The following NUP35 variants were observed in gnomAD, a reference collection of about 807,000 sequenced individuals.
NUP35 encodes the protein nucleoporin 35, also known as nucleoporin NUP35.
In NUP35, 25 loss-of-function variants were observed where a neutral mutation model predicts 41.5. The observed-to-expected ratio is 0.60, with a 90% CI of 0.44 to 0.84. The LOEUF is 0.84. Ranked by LOEUF, NUP35 falls within the 40% of genes least tolerant of loss-of-function variation. NUP35 has a pLI of 0.00. For synonymous variants in NUP35, 149 were observed against 130.7 expected (o/e 1.14, Z -0.96); for missense variants, 396 against 396.6 (o/e 1.00, Z 0.01).
rs1474527839 is a variant in NUP35, at chr2:183,127,458, T to TA, written c.41-828dup. 7.4e-4 allele frequency among the ~76,000 whole-genome samples: 112 copies of TA among 152,150 alleles called. 3 individuals carry two copies. The highest frequency in any genetic ancestry group is 4.4e-5 in the Non-Finnish European group (3 of 68,012). ...TTAAACTAATGATTAAGAAAAAAGATACAAAAATAAGTTTTCGACTCTTTT... is the reference window on the plus strand; with the variant it reads ...TTAAACTAATGATTAAGAAAAAAGATAACAAAAATAAGTTTTCGACTCTTTT... On this transcript the variant is annotated intron_variant, in intron 1 of 8. Coordinates refer to ENST00000295119, the MANE Select transcript of NUP35 (RefSeq NM_138285.5).
In NUP35 at chr2:183,149,581, G is replaced by A. The variant is rs543314362; in HGVS notation, c.398-1927G>A. Among the ~76,000 whole-genome samples, 8 of 152,284 alleles carry A rather than the reference G, an allele frequency of 5.3e-5. No homozygotes were observed. The East Asian group carries it at 1.4e-3, about 26-fold the overall frequency. ...TACACTAATAAGAGACTGAGAAAAA[G>A]GCAAATGAAACTTCATGTTTTTGTG... On this transcript the variant is annotated intron_variant, in intron 4 of 8. Transcript: ENST00000295119.
chr2:183,124,343 G>A (rs912758721), upstream of NUP35: 19 of 1,591,006 alleles, frequency 1.2e-5, no homozygotes, highest in Admixed American at 3.2e-4. Context: ...GCATAGCGCA[G>A]GTCCGGAAGT....
chr2:183,137,639 A>G (rs1684922795), intron 4 of NUP35, among the ~76,000 whole-genome samples: 1 of 151,840 alleles, frequency 6.6e-6, no homozygotes, highest in Non-Finnish European at 1.5e-5. Flanking sequence ...ATCCAAAAAC[A>G]GGGCTGAGTG....
At chr2:183,134,899 A>T (rs899030824) in intron 4 of NUP35, among the ~76,000 whole-genome samples, 2 of 151,738 alleles carry the variant, frequency 1.3e-5, no homozygotes, top group Non-Finnish European at 2.9e-5. Context: ...GCTGGGATTA[A>T]AGGCTTGAGC....
intron 1 of NUP35, 99 bp downstream of exon 1, chr2:183,124,596 G>A: frequency 6.7e-7 from 1 of 1,490,184 alleles, no homozygotes; most frequent in South Asian, 1.1e-5. Flanking sequence ...CTCGTCTGCT[G>A]GTTTCAGTCG....
At chr2:183,157,661 G>A (rs1296140909) in intron 6 of NUP35, 148 bp downstream of exon 6, 4 of 600,394 alleles carry the variant, frequency 6.7e-6, no homozygotes, top group East Asian at 2.8e-5. Context: ...AAGTCTGGAA[G>A]GCTGGAAGTT....
intron 2 of NUP35, among the ~76,000 whole-genome samples, chr2:183,129,908 T>G (rs1684638333): frequency 6.6e-6 from 1 of 151,486 alleles, no homozygotes; most frequent in South Asian, 2.1e-4. Flanking sequence ...ACTACATCTT[T>G]ATTATGTACT....
At chr2:183,159,416 C>A (rs747833494) in intron 7 of NUP35, 72 bp from the exon 8 acceptor site, 18 of 1,101,044 alleles carry the variant, frequency 1.6e-5, no homozygotes, top group East Asian at 2.7e-5. Context: ...ATTAAATTTT[C>A]TAAGTAGGAT....
In NUP35 at chr2:183,124,446, G is replaced by C. The variant is rs760295368; in HGVS notation, c.-12G>C. 6.2e-7 allele frequency: 1 copy of C among 1,614,198 alleles called. No individual in the cohort carries two copies. The highest frequency in any genetic ancestry group is 2.2e-5 in the East Asian group (1 of 44,888). On this transcript the variant is annotated 5_prime_UTR_variant, in exon 1 of 9. Coordinates refer to ENST00000295119, the MANE Select transcript of NUP35 (RefSeq NM_138285.5). ...TGGGAAGGTACTGGTTTTAAGTGTA[G>C]TTGCCGACGCAATGGCAGCCTTTGC...
intron 4 of NUP35, among the ~76,000 whole-genome samples, 186 bp downstream of exon 4, chr2:183,133,809 A>C (rs866148596): frequency 1.3e-3 from 193 of 152,284 alleles, no homozygotes; most frequent in African/African-American, 4.4e-3. Context: ...TTATATTTCA[A>C]ACTTGGAGAT....
At chr2:183,138,269 A>ATATATATATATTTTTTTTTTTTT in intron 4 of NUP35, among the ~76,000 whole-genome samples, 1 of 80,690 alleles carries the variant, frequency 1.2e-5, no homozygotes, top group African/African-American at 6.2e-5. Flanking sequence ...ATATATATAT[A>ATATATATATATTTTTTTTTTTTT]TTTTTTTTTT....
chr2:183,130,886 T>C, intron 3 of NUP35: 1 of 894,116 alleles, frequency 1.1e-6, no homozygotes. Flanking sequence ...TATTTAATAT[T>C]TAAAAATTAT....
chr2:183,153,212 G>C (rs1685530416), intron 5 of NUP35, among the ~76,000 whole-genome samples: 1 of 152,196 alleles, frequency 6.6e-6, no homozygotes, highest in African/African-American at 2.4e-5. Flanking sequence ...AATTTGAGTT[G>C]AGATGTGGGT....
At chr2:183,123,352 C>T (rs1171107750), upstream of NUP35, among the ~76,000 whole-genome samples, 3 of 152,092 alleles carry the variant, frequency 2.0e-5, no homozygotes, top group East Asian at 5.8e-4. Flanking sequence ...AGGTCATATT[C>T]ATAAGTATGA....
In NUP35 at chr2:183,158,337, C is replaced by T; in HGVS notation, c.664C>T (p.Arg222Trp). 4 of 1,608,442 alleles carry T rather than the reference C, an allele frequency of 2.5e-6. No individual in the cohort carries two copies. The highest frequency in any genetic ancestry group is 1.3e-5 in the African/African-American group (1 of 74,918). The change falls in exon 7 of 9, where the codon CGG becomes TGG. Residue 222 changes from arginine (R) to tryptophan (W), a missense_variant. Coordinates refer to ENST00000295119, the MANE Select transcript of NUP35 (RefSeq NM_138285.5). ...HIRYQSKLQA[R>W]KALSKDGRIF... ...TCGTTATCAATCTAAACTGCAGGCT[C>T]GGAAAGCCTTAAGCAAAGATGGGAG...
At chr2:183,124,773 C>T (rs938016758) in intron 1 of NUP35, among the ~76,000 whole-genome samples, 14 of 152,186 alleles carry the variant, frequency 9.2e-5, no homozygotes, top group African/African-American at 3.4e-4. Flanking sequence ...ACACGCCAGC[C>T]ACGTTAGACT....
chr2:183,137,461 T>A (rs1684916258), intron 4 of NUP35, among the ~76,000 whole-genome samples: 1 of 152,176 alleles, frequency 6.6e-6, no homozygotes, highest in Admixed American at 6.5e-5. Context: ...GGCACACACC[T>A]GTAGTCCCAG....
upstream of NUP35, chr2:183,124,396 G>A (rs1700115744): frequency 6.2e-7 from 1 of 1,613,726 alleles, no homozygotes; most frequent in South Asian, 1.1e-5. Context: ...CGTGGGGAGC[G>A]TTTCCGCCAT....
In NUP35 at chr2:183,159,663, G is replaced by A. The variant is rs753182140; in HGVS notation, c.903+11G>A. 1 of 1,605,238 alleles carries A rather than the reference G, an allele frequency of 6.2e-7. No homozygotes were observed. Among genetic ancestry groups the A allele is most frequent in the South Asian group, 1.1e-5 (1 of 90,348 alleles). ...ACTAGTGATTATCAGGTATTTTAAG[G>A]ATTGGATAAAAAAAGATGTACTTTA... On this transcript the variant is annotated intron_variant, in intron 8 of 8. Coordinates refer to ENST00000295119, the MANE Select transcript of NUP35 (RefSeq NM_138285.5).
Sources: allele counts gnomAD v4.1 joint callset (sites outside exome capture counted in the v4.1 genomes callset), GRCh38; gene constraint gnomAD v4.1.1; transcripts MANE v1.5; gene names NCBI Gene and HGNC (gene_info 2026-07-23, HGNC 2026-07-21).